The following SYTL5 variants were observed in gnomAD, a reference collection of about 807,000 sequenced individuals.
SYTL5 encodes synaptotagmin like 5, also known as synaptotagmin-like protein 5.
A neutral mutation model predicts 55.9 loss-of-function variants in SYTL5; 34 were observed. The ratio of observed to expected loss-of-function variants is 0.61; its 90% CI spans 0.46 to 0.81. The LOEUF is 0.81. Ranked by LOEUF, SYTL5 falls within the 30% of genes least tolerant of loss-of-function variation. The pLI is 0.00. For missense variants in SYTL5, 637 were observed against 546.7 expected (o/e 1.17, Z -1.65); for synonymous variants, 221 against 188.7 (o/e 1.17, Z -1.40).
intron 1 of SYTL5, among the ~76,000 whole-genome samples, chrX:38,030,616 G>A (rs1934924891): frequency 8.9e-6 from 1 of 112,215 alleles, no homozygotes; most frequent in Admixed American, 9.5e-5. Context: ...GAAGCCGGAA[G>A]TTGTTCATCA....
At chrX:38,027,815 ATTC>A (rs1373613948) in intron 1 of SYTL5, among the ~76,000 whole-genome samples, 3 of 99,799 alleles carry the variant, frequency 3.0e-5, no homozygotes, top group Admixed American at 2.2e-4. Context: ...CTATGAATTA[ATTC>A]TTCTTCTTTT....
Position 38,128,164 on chromosome X carries a change from G to A in SYTL5, c.*1434G>A, listed in dbSNP as rs1404188900. On this transcript the variant is annotated 3_prime_UTR_variant, in exon 17 of 17. Transcript: ENST00000297875. ...AAAGCTAGAAGGAACCTCAGGCCCA[G>A]TTGCTCATTTTGCAGATTCCAAATG... 1 of 112,441 alleles carries A rather than the reference G, an allele frequency of 8.9e-6. No individual in the cohort carries two copies. Among genetic ancestry groups the A allele is most frequent in the African/African-American group, 3.2e-5 (1 of 30,962 alleles). 9.3% of individuals were successfully genotyped at this position (112,441 alleles called of 1,213,427 possible).
At chrX:38,054,573 A>G in intron 3 of SYTL5, 151 bp downstream of exon 3, 1 of 374,007 alleles carries the variant, frequency 2.7e-6, no homozygotes, top group Non-Finnish European at 4.6e-6. Context: ...ATGCCTTGGC[A>G]GGGCTCTGGG....
At chrX:38,071,362 C>A (rs993564521) in intron 3 of SYTL5, among the ~76,000 whole-genome samples, 4 of 111,401 alleles carry the variant, frequency 3.6e-5, no homozygotes, top group Non-Finnish European at 5.7e-5. Context: ...TAACATTGAA[C>A]TTATTACCAA....
chrX:38,103,476 G>A (rs769271759), intron 10 of SYTL5, among the ~76,000 whole-genome samples: 1 of 110,004 alleles, frequency 9.1e-6, no homozygotes, highest in Non-Finnish European at 1.9e-5. Context: ...CCTTCTATCC[G>A]TAGGGGCCCT....
At chrX:38,001,089 T>C in the SYTL5 span, among the ~76,000 whole-genome samples, 1 of 110,860 alleles carries the variant, frequency 9.0e-6, no homozygotes, top group Admixed American at 9.6e-5. Flanking sequence ...TGTCCTCACC[T>C]AGGTCCCTGG....
intron 10 of SYTL5, among the ~76,000 whole-genome samples, chrX:38,105,256 T>C (rs193204936): frequency 4.4e-5 from 5 of 112,654 alleles, no homozygotes; most frequent in African/African-American, 1.6e-4. Context: ...CTGAGGCATG[T>C]CTCAGTTAAT....
the SYTL5 span, among the ~76,000 whole-genome samples, chrX:37,921,942 G>A: frequency 2.7e-5 from 3 of 111,924 alleles, no homozygotes; most frequent in African/African-American, 9.7e-5. Flanking sequence ...CACTGACAAC[G>A]AAATGCTACC....
chrX:37,903,629 A>C, the SYTL5 span, among the ~76,000 whole-genome samples: 18 of 109,845 alleles, frequency 1.6e-4, no homozygotes, highest in Non-Finnish European at 3.2e-4. Flanking sequence ...GCAGCACACC[A>C]ACATGGCACA....
chrX:37,904,154 A>G, the SYTL5 span, among the ~76,000 whole-genome samples: 1 of 109,536 alleles, frequency 9.1e-6, no homozygotes, highest in East Asian at 2.8e-4. Flanking sequence ...TCTTGGAGGC[A>G]CACACGCACA....
At chrX:37,990,030 G>A in the SYTL5 span, among the ~76,000 whole-genome samples, 10 of 109,664 alleles carry the variant, frequency 9.1e-5, no homozygotes, top group African/African-American at 2.7e-4. Flanking sequence ...CCGCCACCAC[G>A]CCCGGCTAAT....
At position 38,054,197 on chromosome X, in the gene SYTL5, T is replaced by C. The variant is rs746286212; in HGVS notation, c.120-16T>C. Reference sequence around the variant, plus strand: ...GTTTGTTTTTTTAAGTGATTTTTTTTCCCCTCTTCTTTCAGGAAGCTGAAA... The same window carrying C: ...GTTTGTTTTTTTAAGTGATTTTTTTCCCCCTCTTCTTTCAGGAAGCTGAAA... On this transcript the variant is annotated splice_polypyrimidine_tract_variant and intron_variant, in intron 2 of 16. Transcript: ENST00000297875. 130 of 1,170,357 alleles carry C rather than the reference T, an allele frequency of 1.1e-4. 1 individual carries two copies. In the Middle Eastern group the frequency reaches 1.2e-3, roughly 10 times the overall value.
intron 3 of SYTL5, among the ~76,000 whole-genome samples, chrX:38,062,642 G>T (rs1935987521): frequency 9.0e-6 from 1 of 111,610 alleles, no homozygotes; most frequent in African/African-American, 3.3e-5. Flanking sequence ...TTAAGAGCTG[G>T]TCTTGCACTT....
At chrX:38,126,169 G>T (rs988674541) in intron 16 of SYTL5, among the ~76,000 whole-genome samples, 2 of 111,751 alleles carry the variant, frequency 1.8e-5, no homozygotes, top group Non-Finnish European at 3.8e-5. Context: ...GTTGAGGAAG[G>T]TCCTATCACT....
chrX:38,083,940 C>G (rs775766274), intron 6 of SYTL5, among the ~76,000 whole-genome samples: 19 of 109,798 alleles, frequency 1.7e-4, no homozygotes, highest in Non-Finnish European at 3.4e-4. Flanking sequence ...CATAAACTCT[C>G]TCTCTGACCT....
At position 38,087,531 on chromosome X, in the gene SYTL5, G is replaced by A. The variant is rs1208768189; in HGVS notation, c.690-1915G>A. Among the ~76,000 whole-genome samples the A allele has an allele frequency of 3.6e-5, 4 of 112,240 alleles. No individual in the cohort carries two copies. In the East Asian group the frequency reaches 1.1e-3, roughly 31 times the overall value. Reference sequence around the variant, plus strand: ...TCTTCTCAGCTGAGTTCATAGCACTGTAATTTACTTAGACTGCTATTTCTA... The same window carrying A: ...TCTTCTCAGCTGAGTTCATAGCACTATAATTTACTTAGACTGCTATTTCTA... On this transcript the variant is annotated intron_variant, in intron 6 of 16. Coordinates refer to ENST00000297875, the MANE Select transcript of SYTL5 (RefSeq NM_138780.3).
intron 3 of SYTL5, among the ~76,000 whole-genome samples, chrX:38,069,103 G>C (rs1334955050): frequency 3.6e-5 from 4 of 111,210 alleles, no homozygotes; most frequent in African/African-American, 1.3e-4. Flanking sequence ...ATGGGCCATA[G>C]TGTGCCTACC....
the SYTL5 span, among the ~76,000 whole-genome samples, chrX:37,918,990 A>C: frequency 9.1e-6 from 1 of 110,481 alleles, no homozygotes; most frequent in Admixed American, 9.8e-5. Context: ...TAGCATCTGC[A>C]GTACAAGAAG....
chrX:38,109,684 T>C (rs1016882602), intron 12 of SYTL5, among the ~76,000 whole-genome samples: 2 of 108,355 alleles, frequency 1.8e-5, no homozygotes, highest in African/African-American at 6.7e-5. Context: ...AATCAGTCAG[T>C]GTGAAGTGTG....
Sources: allele counts gnomAD v4.1 joint callset (sites outside exome capture counted in the v4.1 genomes callset), GRCh38; gene constraint gnomAD v4.1.1; transcripts MANE v1.5; gene names NCBI Gene and HGNC (gene_info 2026-07-23, HGNC 2026-07-21).